LONRF2: variants seen among roughly 807,000 people sequenced by gnomAD.
LONRF2 encodes LON peptidase N-terminal domain and RING finger protein 2.
In LONRF2, 35 loss-of-function variants were observed where a neutral mutation model predicts 66.6. The observed-to-expected ratio is 0.53, with a 90% CI of 0.40 to 0.70. The LOEUF is 0.70. LONRF2 is among the 30% of genes least tolerant of loss of function. The probability of loss-of-function intolerance (pLI) is 0.00; values close to 1 mark genes in which losing one functional copy is unlikely to be tolerated. For synonymous variants in LONRF2, 417 were observed against 418.1 expected (o/e 1.00, Z 0.03); for missense variants, 902 against 1,002.1 (o/e 0.90, Z 1.35).
chr2:100,322,188 A>T lies in LONRF2; in HGVS notation c.-95T>A. The T allele has an allele frequency of 9.0e-7, 1 of 1,106,912 alleles. No homozygotes were observed. The highest frequency in any genetic ancestry group is 1.1e-6 in the Non-Finnish European group (1 of 898,230). 68.6% of individuals were successfully genotyped at this position (1,106,912 alleles called of 1,614,324 possible). On this transcript the variant is annotated 5_prime_UTR_variant, in exon 1 of 12. Transcript: ENST00000393437. ...AACTGGCCGGCGGGAGCGCGGTCTC[A>T]GCCCTCGCCAGCAGCCACGCGCGTC...
rs780443846 is a variant in LONRF2, at chr2:100,274,220, C to T, written c.*10078G>A. On this transcript the variant is annotated 3_prime_UTR_variant, in exon 12 of 12. Coordinates refer to ENST00000393437, the MANE Select transcript of LONRF2 (RefSeq NM_198461.4). ...GCCAATCCTTCACCTCGAGGGCTGT[C>T]GTAGTACCCCGGGAGCCTCACATGA... The T allele has an allele frequency of 1.3e-5, 2 of 152,074 alleles. No homozygotes were observed. The highest frequency in any genetic ancestry group is 2.9e-5 in the Non-Finnish European group (2 of 68,018). 9.4% of individuals were successfully genotyped at this position (152,074 alleles called of 1,614,324 possible).
At chr2:100,309,464 T>C (rs908424431) in intron 1 of LONRF2, 10 of 232,672 alleles carry the variant, frequency 4.3e-5, no homozygotes, top group Non-Finnish European at 8.3e-6. Flanking sequence ...GGAAGAAGAT[T>C]AACAAGACTT....
In LONRF2 at chr2:100,283,051, A is replaced by T. The variant is rs914581169; in HGVS notation, c.*1247T>A. On this transcript the variant is annotated 3_prime_UTR_variant, in exon 12 of 12. Coordinates refer to ENST00000393437, the MANE Select transcript of LONRF2 (RefSeq NM_198461.4). Reference sequence around the variant, plus strand: ...CTGGTTAAGAATGTCCACCTTACAGACGAGGAAGCCAACCAAATGCACCAG... The same window carrying T: ...CTGGTTAAGAATGTCCACCTTACAGTCGAGGAAGCCAACCAAATGCACCAG... 8 of 152,202 alleles carry T rather than the reference A, an allele frequency of 5.3e-5. No individual in the cohort carries two copies. The highest frequency in any genetic ancestry group is 3.3e-4 in the Admixed American group (5 of 15,282). The allele number at this position is 152,202 out of a possible 1,614,324, so 9.4% of individuals were successfully genotyped here.
intron 1 of LONRF2, among the ~76,000 whole-genome samples, chr2:100,317,099 A>T (rs977003579): frequency 6.6e-6 from 1 of 152,228 alleles, no homozygotes; most frequent in South Asian, 2.1e-4. Context: ...GCATGTAGCT[A>T]TACTTCACTT....
chr2:100,315,682 A>T (rs759981868), intron 1 of LONRF2, among the ~76,000 whole-genome samples: 1 of 152,200 alleles, frequency 6.6e-6, no homozygotes, highest in Non-Finnish European at 1.5e-5. Context: ...ATTAAACAAA[A>T]CTTAACCTGC....
chr2:100,294,537 A>C, intron 8 of LONRF2, 150 bp from the exon 9 acceptor site: 1 of 605,776 alleles, frequency 1.7e-6, no homozygotes, highest in Non-Finnish European at 2.6e-6. Flanking sequence ...AAAGCCAAGG[A>C]CCATAGCATG....
At chr2:100,314,786 T>A (rs1675473544) in intron 1 of LONRF2, among the ~76,000 whole-genome samples, 1 of 152,074 alleles carries the variant, frequency 6.6e-6, no homozygotes. Context: ...CCCATTGAAT[T>A]CCATTAGCAT....
rs77000106 is a variant in LONRF2, at chr2:100,275,447, G to C, written c.*8851C>G. 6 of 152,234 alleles carry C rather than the reference G, an allele frequency of 3.9e-5. No homozygotes were observed. Among genetic ancestry groups the C allele is most frequent in the African/African-American group, 1.4e-4 (6 of 41,454 alleles). 9.4% of individuals were successfully genotyped at this position (152,234 alleles called of 1,614,324 possible). A position where few individuals can be genotyped will look rare whatever the true frequency, so the allele number is the denominator to read the frequency against. ...CCCAGCATCCAGTGAGGAATTAATCGCACTCCTGGGCAAAGGATCTGGGTG... is the reference window on the plus strand; with the variant it reads ...CCCAGCATCCAGTGAGGAATTAATCCCACTCCTGGGCAAAGGATCTGGGTG... On this transcript the variant is annotated 3_prime_UTR_variant, in exon 12 of 12. Transcript: ENST00000393437.
chr2:100,317,174 A>G (rs909969195), intron 1 of LONRF2, among the ~76,000 whole-genome samples: 3 of 152,196 alleles, frequency 2.0e-5, no homozygotes, highest in Admixed American at 2.0e-4. Context: ...AATGTAAATT[A>G]AATCCCCATT....
Position 100,300,638 on chromosome 2 carries a change from T to A in LONRF2, c.1065+6A>T, listed in dbSNP as rs781674306. ...GAGAATCCTGACAAATGCATGCACG[T>A]CATACCTCCGAGCTCCCTGCATCAC... On this transcript the variant is annotated splice_donor_region_variant and intron_variant, in intron 4 of 11. Coordinates refer to ENST00000393437, the MANE Select transcript of LONRF2 (RefSeq NM_198461.4). 3 of 1,601,670 alleles carry A rather than the reference T, an allele frequency of 1.9e-6. No homozygotes were observed. The African/African-American group carries it at 4.0e-5, about 22-fold the overall frequency.
chr2:100,276,586 G>T lies in LONRF2; in HGVS notation c.*7712C>A, dbSNP rs1231537007. ...TTAAAACTTACTAATTAATAAAGGG[G>T]TGATTATACCCTTGTTTCTCCATTG... On this transcript the variant is annotated 3_prime_UTR_variant, in exon 12 of 12. Coordinates refer to ENST00000393437, the MANE Select transcript of LONRF2 (RefSeq NM_198461.4). 1 of 152,058 alleles carries T rather than the reference G, an allele frequency of 6.6e-6. No individual in the cohort carries two copies. The highest frequency in any genetic ancestry group is 6.6e-5 in the Admixed American group (1 of 15,264). 9.4% of individuals were successfully genotyped at this position (152,058 alleles called of 1,614,324 possible). A position where few individuals can be genotyped will look rare whatever the true frequency, so the allele number is the denominator to read the frequency against.
intron 1 of LONRF2, among the ~76,000 whole-genome samples, chr2:100,319,036 A>G (rs1007654761): frequency 2.0e-5 from 3 of 151,592 alleles, no homozygotes; most frequent in African/African-American, 2.4e-5. Context: ...AGGCTGAGGC[A>G]GGAGAATTGC....
chr2:100,271,893 C>T lies in LONRF2; in HGVS notation c.*12405G>A, dbSNP rs79709791. Among the ~76,000 whole-genome samples, 496 of 152,326 alleles carry T rather than the reference C, an allele frequency of 3.3e-3. 2 individuals carry two copies. The highest frequency in any genetic ancestry group is 0.011 in the African/African-American group (463 of 41,572). On this transcript the variant is annotated 3_prime_UTR_variant, in exon 12 of 12. Transcript: ENST00000393437. ...TAAGTACTCATTTTCCTTATGACTC[C>T]GAGCTTTATTTCCAACAATGTCCGT...
At chr2:100,307,038 C>T (rs1028911426) in intron 2 of LONRF2, among the ~76,000 whole-genome samples, 6 of 151,458 alleles carry the variant, frequency 4.0e-5, no homozygotes, top group South Asian at 2.1e-4. Flanking sequence ...CTCCTGCCTC[C>T]GCCTCCCGAG....
At chr2:100,308,706 G>A (rs10205784) in intron 2 of LONRF2, among the ~76,000 whole-genome samples, 9,276 of 152,150 alleles carry the variant, frequency 0.061, 904 homozygotes, top group African/African-American at 0.21. Flanking sequence ...TTCACCAATA[G>A]CATTGATTTG....
rs183352914 is a variant in LONRF2, at chr2:100,291,914, C to T, written c.1758-1494G>A. Among the ~76,000 whole-genome samples the T allele has an allele frequency of 1.6e-3, 238 of 152,256 alleles. 2 individuals are homozygous for T. Among genetic ancestry groups the T allele is most frequent in the African/African-American group, 5.2e-3 (218 of 41,552 alleles). On this transcript the variant is annotated intron_variant, in intron 9 of 11. Transcript: ENST00000393437. ...CACACACAGCAGTTTATAATATATACGAATTCAAGCCCACAAAACACGGAG... is the reference window on the plus strand; with the variant it reads ...CACACACAGCAGTTTATAATATATATGAATTCAAGCCCACAAAACACGGAG...
At chr2:100,313,614 A>C (rs906584877) in intron 1 of LONRF2, among the ~76,000 whole-genome samples, 1 of 152,214 alleles carries the variant, frequency 6.6e-6, no homozygotes, top group Non-Finnish European at 1.5e-5. Context: ...AATTGATGGA[A>C]GACTGTAATT....
chr2:100,272,489 A>T lies in LONRF2; in HGVS notation c.*11809T>A, dbSNP rs1674520341. The stretch of plus-strand genomic sequence containing the variant: ...CCTCCAGCCTGGATGACACAGCAAG[A>T]CCATGTCCCCCAAGAAGAAAATAAA... On this transcript the variant is annotated 3_prime_UTR_variant, in exon 12 of 12. Coordinates refer to ENST00000393437, the MANE Select transcript of LONRF2 (RefSeq NM_198461.4). 6.6e-6 allele frequency among the ~76,000 whole-genome samples: 1 copy of T among 152,060 alleles called. No homozygotes were observed. The highest frequency in any genetic ancestry group is 2.1e-4 in the South Asian group (1 of 4,828).
Position 100,321,629 on chromosome 2 carries a change from C to T in LONRF2, c.465G>A (p.Thr155=). 6.8e-7 allele frequency: 1 copy of T among 1,480,500 alleles called. No individual in the cohort carries two copies. The highest frequency in any genetic ancestry group is 1.3e-5 in the South Asian group (1 of 77,950). 91.7% of individuals were successfully genotyped at this position (1,480,500 alleles called of 1,614,324 possible). ...RCRRLLHKPV[T]LPCGLTVCKR... Reference sequence around the variant, plus strand: ...TGCAGACTGTGAGCCCGCAGGGCAGCGTCACCGGCTTATGCAGCAGCCGCC... The same window carrying T: ...TGCAGACTGTGAGCCCGCAGGGCAGTGTCACCGGCTTATGCAGCAGCCGCC... Residue 155 remains threonine (T), a synonymous_variant, in exon 1 of 12, where the codon ACG becomes ACA. Coordinates refer to ENST00000393437, the MANE Select transcript of LONRF2 (RefSeq NM_198461.4).
Sources: allele counts gnomAD v4.1 joint callset (sites outside exome capture counted in the v4.1 genomes callset), GRCh38; gene constraint gnomAD v4.1.1; transcripts MANE v1.5; gene names NCBI Gene and HGNC (gene_info 2026-07-23, HGNC 2026-07-21).